Variants in FCHO1 observed in about 807,000 individuals in gnomAD.
FCHO1 encodes FCH and mu domain containing endocytic adaptor 1.
FCHO1 carries 45 observed loss-of-function variants against 114.4 expected under a neutral mutation model. That is an observed-to-expected ratio of 0.39 (90% CI 0.31 to 0.50). The LOEUF is 0.50. Among genes scored for constraint, FCHO1 ranks in the 20% least tolerant of loss-of-function variants. The pLI, the probability that FCHO1 is intolerant of heterozygous loss-of-function variation, is 0.77. For missense variants in FCHO1, 1,042 were observed against 1,209.6 expected, an observed-to-expected ratio of 0.86 and a Z score of 2.06; for synonymous variants, 480 against 488.9, an observed-to-expected ratio of 0.98 and a Z score of 0.24.
At chr19:17,750,822 CTTTTCT>C (rs2081734054), upstream of FCHO1, among the ~76,000 whole-genome samples, 1 of 143,788 alleles carries the variant, frequency 7.0e-6, no homozygotes, top group African/African-American at 2.6e-5. Context: ...CTTCCCCTTT[CTTTTCT>C]TTTTTTTTTT....
In FCHO1 at chr19:17,784,725, T is replaced by C; in HGVS notation, c.2227T>C (p.Phe743Leu). 1.2e-6 allele frequency: 2 copies of C among 1,613,924 alleles called. No individual in the cohort carries two copies. The highest frequency in any genetic ancestry group is 1.6e-4 in the Middle Eastern group (1 of 6,062). ...TCTCTCTCATTCTCATTCTTCCTAG[T>C]TCTCCCGCCCGGGTCCCCAGTCTGT... ...YYNVVLLRYQ[F>L]SRPGPQSVPL... The change falls in exon 26 of 29, where the codon TTC becomes CTC. Residue 743 changes from phenylalanine (F) to leucine (L), a missense_variant and splice_region_variant. Around this residue, in one of 3 missense-constraint regions of FCHO1, gnomAD observed 455 missense variants for 455.4 expected, o/e 1.00. Transcript: ENST00000596536. The surrounding 1 kb of genome is among the most constrained non-coding windows in gnomAD (Gnocchi z 5.3).
chr19:17,752,262 A>ATGT (rs1483858030), intron 1 of FCHO1: 1 of 151,906 alleles, frequency 6.6e-6, no homozygotes, highest in African/African-American at 2.4e-5. Flanking sequence ...GTATGTATTT[A>ATGT]ATTATTATTT....
Position 17,766,654 on chromosome 19 carries a change from C to T in FCHO1, c.195-15C>T. On this transcript the variant is annotated splice_polypyrimidine_tract_variant and intron_variant, in intron 6 of 28. Coordinates refer to ENST00000596536, the MANE Select transcript of FCHO1 (RefSeq NM_015122.3). ...GAGCCTGATGAACCCTGGGTGTGAC[C>T]TTGCCCGCCCCCAGGACCTTCGCCC... The T allele has an allele frequency of 6.2e-7, 1 of 1,613,876 alleles. No individual in the cohort carries two copies. The highest frequency in any genetic ancestry group is 1.7e-5 in the Admixed American group (1 of 60,008).
Position 17,771,109 on chromosome 19 carries a change from C to T in FCHO1, c.594+213C>T, listed in dbSNP as rs1444577519. On this transcript the variant is annotated intron_variant, in intron 9 of 28. Coordinates refer to ENST00000596536, the MANE Select transcript of FCHO1 (RefSeq NM_015122.3). ...TCTCTACTAAAAATACAAAATTAGC[C>T]GGGCGTAGTGGCAGGTGCCTGTAAT... Among the ~76,000 whole-genome samples, 5 of 151,850 alleles carry T rather than the reference C, an allele frequency of 3.3e-5. No homozygotes were observed. The South Asian group carries it at 6.2e-4, about 19-fold the overall frequency.
intron 1 of FCHO1, among the ~76,000 whole-genome samples, chr19:17,753,069 G>A (rs56399505): frequency 0.034 from 5,097 of 151,754 alleles, 100 homozygotes; most frequent in African/African-American, 0.045. Flanking sequence ...GCAACAGAGC[G>A]AGACCCTGTC....
chr19:17,788,248 T>TCCCCCCCCCCCCCCC, intron 28 of FCHO1, 36 bp from the exon 29 acceptor site: 1 of 520,218 alleles, frequency 1.9e-6, no homozygotes. Flanking sequence ...GTACCCCTCC[T>TCCCCCCCCCCCCCCC]CCCCACCCCT....
Position 17,781,704 on chromosome 19 carries a change from AC to A in FCHO1, c.1829-3del. The A allele has an allele frequency of 6.3e-7, 1 of 1,586,226 alleles. No homozygotes were observed. Among genetic ancestry groups the A allele is most frequent in the Non-Finnish European group, 8.6e-7 (1 of 1,164,026 alleles). ...CGTTGTTCCCCATTCCCTCTCCACCACCCCCAGGAGTCTCCCGGGGTCCGAG... is the reference window on the plus strand; with the variant it reads ...CGTTGTTCCCCATTCCCTCTCCACCACCCCAGGAGTCTCCCGGGGTCCGAG... On this transcript the variant is annotated splice_region_variant and splice_polypyrimidine_tract_variant and intron_variant, in intron 22 of 28. Transcript: ENST00000596536.
chr19:17,766,742 C>T lies in FCHO1; in HGVS notation c.268C>T (p.Arg90Trp), dbSNP rs763015274. The T allele has an allele frequency of 3.7e-6, 6 of 1,614,124 alleles. No homozygotes were observed. Among genetic ancestry groups the T allele is most frequent in the Non-Finnish European group, 5.1e-6 (6 of 1,179,988 alleles). Residue 90 changes from arginine to tryptophan, a missense_variant, in exon 7 of 29, where the codon CGG becomes TGG. By Grantham distance (101) the Arg-to-Trp change is moderately radical. This residue lies in a region of FCHO1 where 450 missense variants were observed against 564.1 expected (regional missense o/e 0.80). Coordinates refer to ENST00000596536, the MANE Select transcript of FCHO1 (RefSeq NM_015122.3). ...KLALCHLELTRKLQDLIKDVL... is the reference protein window; with the variant it reads ...KLALCHLELTWKLQDLIKDVL... ...GGCGCTGTGCCACCTGGAACTGACA[C>T]GGAAGTTACAGGATCTCATCAAGGA...
At position 17,778,591 on chromosome 19, in the gene FCHO1, C is replaced by T; in HGVS notation, c.1352-18C>T. Reference sequence around the variant, plus strand: ...AGTGGGCGAGGGTCGGAGCTGACCGCCCGCTTCCCTCCCCAAGGCTCTAGC... The same window carrying T: ...AGTGGGCGAGGGTCGGAGCTGACCGTCCGCTTCCCTCCCCAAGGCTCTAGC... On this transcript the variant is annotated intron_variant, in intron 19 of 28. Coordinates refer to ENST00000596536, the MANE Select transcript of FCHO1 (RefSeq NM_015122.3). 1.3e-6 allele frequency: 2 copies of T among 1,522,754 alleles called. No individual in the cohort carries two copies. The highest frequency in any genetic ancestry group is 1.8e-6 in the Non-Finnish European group (2 of 1,132,138). 94.3% of individuals were successfully genotyped at this position (1,522,754 alleles called of 1,614,324 possible). A position where few individuals can be genotyped will look rare whatever the true frequency, so the allele number is the denominator to read the frequency against.
At chr19:17,763,506 C>T (rs1316670525) in intron 5 of FCHO1, among the ~76,000 whole-genome samples, 7 of 151,434 alleles carry the variant, frequency 4.6e-5, no homozygotes, top group East Asian at 1.9e-4. Flanking sequence ...TCAGGCGATC[C>T]GCCCGCCTCA....
intron 1 of FCHO1, among the ~76,000 whole-genome samples, chr19:17,752,868 C>T (rs2082342655): frequency 6.6e-6 from 1 of 152,120 alleles, no homozygotes; most frequent in African/African-American, 2.4e-5. Context: ...CCACTGCACA[C>T]TCCAGCCTGG....
At chr19:17,774,922 C>T (rs574068682) in intron 13 of FCHO1, 134 bp from the exon 14 acceptor site, 58 of 949,512 alleles carry the variant, frequency 6.1e-5, no homozygotes, top group South Asian at 6.0e-4. Context: ...ATGGTCCCAC[C>T]GCCTCTAGGG....
chr19:17,770,756 GC>G, intron 8 of FCHO1, 35 bp from the exon 9 acceptor site: 1 of 1,609,472 alleles, frequency 6.2e-7, no homozygotes, highest in South Asian at 1.1e-5. Context: ...CCTGAGTATC[GC>G]CCTCCCATCC....
chr19:17,771,748 T>C (rs2091634475), intron 9 of FCHO1, among the ~76,000 whole-genome samples: 3 of 152,262 alleles, frequency 2.0e-5, no homozygotes, highest in Admixed American at 2.0e-4. Flanking sequence ...TATTTTTGAG[T>C]TGTGGAGGTT....
At chr19:17,769,627 ACACAC>A (rs1568341751) in intron 7 of FCHO1, among the ~76,000 whole-genome samples, 45 of 130,434 alleles carry the variant, frequency 3.5e-4, no homozygotes, top group Middle Eastern at 3.9e-3. Context: ...ACACACACAC[ACACAC>A]AAAACGGTGA....
chr19:17,770,684 T>C, intron 8 of FCHO1, 107 bp downstream of exon 8: 1 of 1,577,306 alleles, frequency 6.3e-7, no homozygotes, highest in East Asian at 2.2e-5. Flanking sequence ...AACCTGTGGG[T>C]GATCACACCC....
At position 17,776,548 on chromosome 19, in the gene FCHO1, C is replaced by T. The variant is rs1382495839; in HGVS notation, c.1208-87C>T. On this transcript the variant is annotated intron_variant, in intron 17 of 28. Transcript: ENST00000596536. This position sits in a 1 kb window ranked among gnomAD's most constrained non-coding sequence, Gnocchi z 4.4. ...ATCACCTTGGGCAACTGGCTGGACACCCCCGAGCCTCGGTCCCTTGGTCTG... is the reference window on the plus strand; with the variant it reads ...ATCACCTTGGGCAACTGGCTGGACATCCCCGAGCCTCGGTCCCTTGGTCTG... 1.4e-6 allele frequency: 2 copies of T among 1,476,016 alleles called. No homozygotes were observed. The highest frequency in any genetic ancestry group is 4.5e-5 in the East Asian group (2 of 44,112). 91.4% of individuals were successfully genotyped at this position (1,476,016 alleles called of 1,614,324 possible).
intron 4 of FCHO1, 156 bp from the exon 5 acceptor site, chr19:17,762,606 A>G (rs117015683): frequency 0.019 from 13,029 of 701,404 alleles, 159 homozygotes; most frequent in Non-Finnish European, 0.025. Context: ...GACAATCCCT[A>G]TGGCCCAGGG....
rs2094099726 is a variant in FCHO1 at position 17,788,265 on chromosome 19, C to T, written c.2648-19C>T. ...ACCCCTCCTCCCCACCCCTCCCCCT[C>T]ACAGCTGCACCCCCACAGGGATGTA... is the stretch of plus-strand genomic sequence containing the variant. On this transcript the variant is annotated intron_variant, in intron 28 of 28. Coordinates refer to ENST00000596536, the MANE Select transcript of FCHO1 (RefSeq NM_015122.3). 2 of 1,534,824 alleles carry T rather than the reference C, an allele frequency of 1.3e-6. No individual in the cohort carries two copies. Among genetic ancestry groups the T allele is most frequent in the East Asian group, 4.6e-5 (2 of 43,854 alleles).
Sources: gnomAD v4.1 joint callset for allele counts (sites outside exome capture counted in the v4.1 genomes callset) on GRCh38, gnomAD v4.1.1 for gene constraint, gnomAD v4.1.1 regional missense constraint, Gnocchi (gnomAD v3.1) non-coding constraint, MANE v1.5 for transcripts, NCBI Gene and HGNC (gene_info 2026-07-23, HGNC 2026-07-21) for gene names.